The following ANK1 variants were observed in gnomAD, a reference collection of about 807,000 sequenced individuals.
ANK1 encodes the protein ankyrin-1.
In ANK1, 51 loss-of-function variants were observed where a neutral mutation model predicts 210.4. That is an observed-to-expected ratio of 0.24 (90% CI 0.19 to 0.31). The LOEUF is 0.31. Among genes scored for constraint, ANK1 ranks in the 10% least tolerant of loss-of-function variants. The pLI, the probability that ANK1 is intolerant of heterozygous loss-of-function variation, is 1.00. For missense variants in ANK1, 2,051 were observed against 2,504.4 expected, an observed-to-expected ratio of 0.82 and a Z score of 3.86; for synonymous variants, 967 against 1,025.9, an observed-to-expected ratio of 0.94 and a Z score of 1.10.
rs1315817030 is a variant in ANK1 at position 41,704,089 on chromosome 8, G to A, written c.2247C>T (p.Ile749=). Residue 749 remains isoleucine (I), a synonymous_variant, in exon 20 of 43, where the codon ATC becomes ATT. Coordinates refer to ENST00000289734, the MANE Select transcript of ANK1 (RefSeq NM_000037.4). The surrounding 1 kb of genome is among the most constrained non-coding windows in gnomAD (Gnocchi z 4.1). ...CACCGTTTTTCAGAAGCAGAGTCACGATGTCTGTGTGTCCCTGCTGGGCTG... is the reference window on the plus strand; with the variant it reads ...CACCGTTTTTCAGAAGCAGAGTCACAATGTCTGTGTGTCCCTGCTGGGCTG... The part of the protein sequence containing the change: ...HQAAQQGHTD[I]VTLLLKNGAS... 2.5e-5 allele frequency: 41 copies of A among 1,614,048 alleles called. No homozygotes were observed. Among genetic ancestry groups the A allele is most frequent in the Non-Finnish European group, 3.2e-5 (38 of 1,180,038 alleles).
chr8:41,718,392 G>A (rs529920012), intron 10 of ANK1, among the ~76,000 whole-genome samples, 188 bp from the exon 11 acceptor site: 6 of 152,312 alleles, frequency 3.9e-5, no homozygotes, highest in South Asian at 2.1e-4. Flanking sequence ...AATCATGTAA[G>A]AGACAGGTGG....
intron 1 of ANK1, chr8:41,803,583 G>A (rs1850497779): frequency 6.6e-6 from 1 of 151,420 alleles, no homozygotes; most frequent in Non-Finnish European, 1.5e-5. Flanking sequence ...CATTGGGTAA[G>A]ATATCCAATA....
At position 41,688,143 on chromosome 8, in the gene ANK1, A is replaced by C; in HGVS notation, c.4258+13T>G. The C allele has an allele frequency of 6.2e-7, 1 of 1,613,926 alleles. No individual in the cohort carries two copies. The highest frequency in any genetic ancestry group is 8.5e-7 in the Non-Finnish European group (1 of 1,179,820). On this transcript the variant is annotated intron_variant, in intron 35 of 42. Transcript: ENST00000289734. Reference sequence around the variant, plus strand: ...TGGACAAAGTGCTTTTCTGCCCCCAATTCCCCACTCACCTGCCCAGCTGAG... The same window carrying C: ...TGGACAAAGTGCTTTTCTGCCCCCACTTCCCCACTCACCTGCCCAGCTGAG...
chr8:41,739,180 A>T (rs530808539), intron 2 of ANK1, among the ~76,000 whole-genome samples: 2 of 151,742 alleles, frequency 1.3e-5, no homozygotes, highest in East Asian at 3.9e-4. Flanking sequence ...CTTTTCTTTC[A>T]ATTTGAATTA....
upstream of ANK1, among the ~76,000 whole-genome samples, chr8:41,798,942 G>A (rs922044771): frequency 1.1e-4 from 17 of 151,584 alleles, no homozygotes; most frequent in Non-Finnish European, 1.2e-4. Flanking sequence ...CACAGCTGCT[G>A]CGGAAAGATG....
Position 41,706,215 on chromosome 8 carries a change from T to G in ANK1, c.2025A>C (p.Val675=). The change falls in exon 18 of 43, where the codon GTA becomes GTC. Residue 675 remains valine (V), a synonymous_variant. Coordinates refer to ENST00000289734, the MANE Select transcript of ANK1 (RefSeq NM_000037.4). ...NKSGLTPLHL[V]AQEGHVPVAD... is the part of the protein sequence containing the mutation. ...CCACTGGAACGTGGCCTTCTTGTGC[T>G]ACCAGATGGAGGGGAGTGAGTCCGC... The G allele has an allele frequency of 6.2e-7, 1 of 1,614,198 alleles. No homozygotes were observed. The highest frequency in any genetic ancestry group is 8.5e-7 in the Non-Finnish European group (1 of 1,180,018).
chr8:41,851,320 T>C (rs1288748164), intron 1 of ANK1, among the ~76,000 whole-genome samples: 1 of 152,204 alleles, frequency 6.6e-6, no homozygotes, highest in Non-Finnish European at 1.5e-5. Flanking sequence ...ACTCCAGCAA[T>C]GAGGCAGTGG....
chr8:41,747,199 A>G (rs1026822820), intron 2 of ANK1, among the ~76,000 whole-genome samples: 1 of 152,208 alleles, frequency 6.6e-6, no homozygotes, highest in Non-Finnish European at 1.5e-5. Flanking sequence ...AAACGGACAG[A>G]AAGGGTTTAC....
At chr8:41,797,885 C>T (rs1376757910), upstream of ANK1, among the ~76,000 whole-genome samples, 4 of 151,862 alleles carry the variant, frequency 2.6e-5, no homozygotes, top group Non-Finnish European at 5.9e-5. The surrounding 1 kb of genome is among the most constrained non-coding windows in gnomAD (Gnocchi z 4.0). Context: ...TCAGGCCACA[C>T]GCTGAGAGGG....
chr8:41,693,302 A>C, intron 29 of ANK1, 101 bp from the exon 30 acceptor site: 6 of 1,101,808 alleles, frequency 5.4e-6, no homozygotes, highest in Non-Finnish European at 8.3e-6. Context: ...AGACTGGGTG[A>C]AGCTCACTTT....
chr8:41,796,285 A>AT (rs1341435658), intron 1 of ANK1, among the ~76,000 whole-genome samples: 1 of 151,892 alleles, frequency 6.6e-6, no homozygotes, highest in Non-Finnish European at 1.5e-5. Context: ...AATTTTACCC[A>AT]TTTTTTCCAT....
intron 2 of ANK1, among the ~76,000 whole-genome samples, chr8:41,744,240 G>A (rs776085102): frequency 8.5e-5 from 13 of 152,048 alleles, no homozygotes; most frequent in Non-Finnish European, 1.5e-4. Flanking sequence ...ATAAATTAAT[G>A]GGGAAAAGAA....
rs1381216417 is a variant in ANK1 at position 41,655,731 on chromosome 8, G to C, written c.*59C>G. On this transcript the variant is annotated 3_prime_UTR_variant, in exon 43 of 43. Transcript: ENST00000289734. Reference sequence around the variant, plus strand: ...GCATGGCAGAGTGTGTGGGGTTCAGGGGTTGGGTGTCGAGGTGTGATCCTG... The same window carrying C: ...GCATGGCAGAGTGTGTGGGGTTCAGCGGTTGGGTGTCGAGGTGTGATCCTG... The C allele has an allele frequency of 3.7e-6, 6 of 1,614,116 alleles. No homozygotes were observed. Among genetic ancestry groups the C allele is most frequent in the Non-Finnish European group, 5.1e-6 (6 of 1,179,998 alleles).
chr8:41,681,330 C>T (rs563752691), intron 37 of ANK1, among the ~76,000 whole-genome samples: 4 of 152,328 alleles, frequency 2.6e-5, no homozygotes, highest in African/African-American at 9.6e-5. Flanking sequence ...TTTTCAGAAA[C>T]ATGCTATTTT....
rs185366277 is a variant in ANK1, at chr8:41,779,831, C to T, written c.27+17681G>A. Among the ~76,000 whole-genome samples, 109 of 152,260 alleles carry T rather than the reference C, an allele frequency of 7.2e-4. No individual in the cohort carries two copies. In the Middle Eastern group the frequency reaches 0.014, roughly 19 times the overall value. ...GGAGTTAGGATTTGAACTCAGCAACCGGAGCCAAGTCGGCCACCGCAAGCA... is the reference window on the plus strand; with the variant it reads ...GGAGTTAGGATTTGAACTCAGCAACTGGAGCCAAGTCGGCCACCGCAAGCA... On this transcript the variant is annotated intron_variant, in intron 1 of 42. Coordinates refer to ENST00000289734, the MANE Select transcript of ANK1 (RefSeq NM_000037.4).
At position 41,694,524 on chromosome 8, in the gene ANK1, A is replaced by T; in HGVS notation, c.3327+68T>A. 1.4e-6 allele frequency: 2 copies of T among 1,432,108 alleles called. No homozygotes were observed. Among genetic ancestry groups the T allele is most frequent in the Non-Finnish European group, 1.9e-6 (2 of 1,032,450 alleles). 88.7% of individuals were successfully genotyped at this position (1,432,108 alleles called of 1,614,324 possible). A position where few individuals can be genotyped will look rare whatever the true frequency, so the allele number is the denominator to read the frequency against. ...AAAGTGTGGGGATGTCCTGGGGAAGAGGGTGGCCTTCCCGGAGGCCTGGAG... is the reference window on the plus strand; with the variant it reads ...AAAGTGTGGGGATGTCCTGGGGAAGTGGGTGGCCTTCCCGGAGGCCTGGAG... On this transcript the variant is annotated intron_variant, in intron 28 of 42. Coordinates refer to ENST00000289734, the MANE Select transcript of ANK1 (RefSeq NM_000037.4). The surrounding 1 kb of genome is among the most constrained non-coding windows in gnomAD (Gnocchi z 5.7).
chr8:41,810,639 C>T (rs934761162), intron 1 of ANK1, among the ~76,000 whole-genome samples: 10 of 152,238 alleles, frequency 6.6e-5, no homozygotes, highest in African/African-American at 2.2e-4. Context: ...TCTCTTCTGG[C>T]GTCCCTGACG....
intron 1 of ANK1, among the ~76,000 whole-genome samples, chr8:41,831,187 C>T (rs1419272514): frequency 1.3e-5 from 2 of 152,172 alleles, no homozygotes; most frequent in African/African-American, 2.4e-5. Flanking sequence ...GCCTCCATTT[C>T]CCCATCTGTA....
At chr8:41,669,106 T>G (rs1453468902) in intron 38 of ANK1, among the ~76,000 whole-genome samples, 1 of 150,512 alleles carries the variant, frequency 6.6e-6, no homozygotes, top group African/African-American at 2.5e-5. Context: ...TCCTGACTTC[T>G]GAACATAGGA....
Sources: gnomAD v4.1 joint callset for allele counts (sites outside exome capture counted in the v4.1 genomes callset) on GRCh38, gnomAD v4.1.1 for gene constraint, Gnocchi (gnomAD v3.1) non-coding constraint, MANE v1.5 for transcripts, NCBI Gene and HGNC (gene_info 2026-07-23, HGNC 2026-07-21) for gene names.